Variants in QPCTL observed in about 807,000 individuals in gnomAD.
The protein encoded by QPCTL is glutaminyl-peptide cyclotransferase-like protein.
In QPCTL, 31 loss-of-function variants were observed where a neutral mutation model predicts 34.6. The observed-to-expected ratio is 0.90, with a 90% CI of 0.67 to 1.21. The LOEUF (loss-of-function observed/expected upper bound fraction) is 1.21. Ranked by LOEUF, QPCTL falls within the 50% of genes most tolerant of loss-of-function variation. The pLI is 0.00. For missense variants in QPCTL, 474 were observed against 507.8 expected (o/e 0.93, Z 0.64); for synonymous variants, 223 against 226.9 (o/e 0.98, Z 0.15).
intron 5 of QPCTL, among the ~76,000 whole-genome samples, chr19:45,699,931 C>CAA (rs35011463): frequency 0.031 from 2,765 of 89,852 alleles, 169 homozygotes; most frequent in African/African-American, 0.1. Context: ...GACTCCATCT[C>CAA]AAAAAAAAAA....
At chr19:45,702,819 G>C in intron 6 of QPCTL, 85 bp from the exon 7 acceptor site, 3 of 1,546,818 alleles carry the variant, frequency 1.9e-6, no homozygotes, top group Non-Finnish European at 2.7e-6. Context: ...GTGGTGGCAA[G>C]GCAAGGTTAC....
intron 2 of QPCTL, 59 bp downstream of exon 2, chr19:45,693,615 A>T: frequency 6.6e-7 from 1 of 1,518,834 alleles, no homozygotes; most frequent in Non-Finnish European, 8.8e-7. Context: ...GGGAAATAAG[A>T]ATCCTGTTCA....
At chr19:45,696,539 A>G (rs1056883065) in intron 3 of QPCTL, among the ~76,000 whole-genome samples, 6 of 151,394 alleles carry the variant, frequency 4.0e-5, no homozygotes, top group Non-Finnish European at 8.9e-5. Context: ...GCAGTGAGCC[A>G]AAGTTGCACC....
chr19:45,701,863 G>T lies in QPCTL; in HGVS notation c.952G>T (p.Gly318Trp), dbSNP rs201715664. 1.9e-6 allele frequency: 3 copies of T among 1,613,896 alleles called. No individual in the cohort carries two copies. Among genetic ancestry groups the T allele is most frequent in the Non-Finnish European group, 2.5e-6 (3 of 1,179,894 alleles). Residue 318 changes from glycine to tryptophan, a missense_variant, in exon 6 of 7, where the codon GGG becomes TGG. Gly to Trp is a radical substitution (Grantham distance 184, BLOSUM62 -2). Transcript: ENST00000012049. ...CCAGGAAGTGATGTACTTCCAACCC[G>T]GGGAGCCCTTTGGCTCTGTGGAAGA... ...HPQEVMYFQP[G>W]EPFGSVEDDH...
chr19:45,703,091 G>C lies in QPCTL; in HGVS notation c.*42G>C. 2 of 1,611,606 alleles carry C rather than the reference G, an allele frequency of 1.2e-6. No homozygotes were observed. Among genetic ancestry groups the C allele is most frequent in the East Asian group, 4.5e-5 (2 of 44,850 alleles). On this transcript the variant is annotated 3_prime_UTR_variant, in exon 7 of 7. Transcript: ENST00000012049. ...CTGTGGAGAGGACTGTGAGAGAGAAGGTCCCAGCGGGGGCCAGTGAAGCTC... is the reference window on the plus strand; with the variant it reads ...CTGTGGAGAGGACTGTGAGAGAGAACGTCCCAGCGGGGGCCAGTGAAGCTC...
rs754596184 is a variant in QPCTL at position 45,698,694 on chromosome 19, G to C, written c.781G>C (p.Ala261Pro). The C allele has an allele frequency of 6.2e-7, 1 of 1,614,084 alleles. No individual in the cohort carries two copies. Among genetic ancestry groups the C allele is most frequent in the South Asian group, 1.1e-5 (1 of 91,082 alleles). ...CAGCCCCGGCCCCACCAGGATCCAG[G>C]CTATTGTAAGACCAGGGTCCCCTGG... ...PHSPGPTRIQ[A>P]IELFMLLDLL... The change falls in exon 4 of 7, where the codon GCT (alanine) becomes CCT (proline). Residue 261 changes from alanine (A) to proline (P), a missense_variant. Ala to Pro is a conservative substitution (Grantham distance 27). Transcript: ENST00000012049.
Position 45,702,066 on chromosome 19 carries a change from T to G in QPCTL, c.1003+152T>G, listed in dbSNP as rs1037956921. 2.2e-4 allele frequency: 136 copies of G among 622,494 alleles called. 2 individuals carry two copies. The South Asian group carries it at 2.6e-3, about 12-fold the overall frequency. The allele number at this position is 622,494 out of a possible 1,614,324, so 38.6% of individuals were successfully genotyped here. The stretch of plus-strand genomic sequence containing the variant: ...TTCATCTGTAAAATGGGGATAATAC[T>G]CCCTATCTTAGAGTATTGTTGAGGG... On this transcript the variant is annotated intron_variant, in intron 6 of 6. Transcript: ENST00000012049.
chr19:45,697,487 C>T (rs548613322), intron 3 of QPCTL, among the ~76,000 whole-genome samples: 1 of 152,036 alleles, frequency 6.6e-6, no homozygotes, highest in African/African-American at 2.4e-5. Flanking sequence ...TAATCATGCT[C>T]CTGCCCTGCT....
At chr19:45,701,442 A>G (rs1443871431) in intron 5 of QPCTL, among the ~76,000 whole-genome samples, 1 of 151,684 alleles carries the variant, frequency 6.6e-6, no homozygotes, top group East Asian at 1.9e-4. Context: ...CACCCAGCTA[A>G]TTTTTGTATT....
At position 45,703,193 on chromosome 19, in the gene QPCTL, C is replaced by G. The variant is rs987384972; in HGVS notation, c.*144C>G. The G allele has an allele frequency of 1.2e-5, 13 of 1,098,954 alleles. No homozygotes were observed. The highest frequency in any genetic ancestry group is 1.7e-5 in the Non-Finnish European group (13 of 773,698). 68.1% of individuals were successfully genotyped at this position (1,098,954 alleles called of 1,614,324 possible). On this transcript the variant is annotated 3_prime_UTR_variant, in exon 7 of 7. Coordinates refer to ENST00000012049, the MANE Select transcript of QPCTL (RefSeq NM_017659.4). ...CCTAATTGTGCTACAATTGGAAGACCTTCTTTCTTTTGATTGTCTCAAGCT... is the reference window on the plus strand; with the variant it reads ...CCTAATTGTGCTACAATTGGAAGACGTTCTTTCTTTTGATTGTCTCAAGCT...
chr19:45,700,683 G>A (rs944397185), intron 5 of QPCTL, among the ~76,000 whole-genome samples: 1 of 151,950 alleles, frequency 6.6e-6, no homozygotes, highest in African/African-American at 2.4e-5. Context: ...AGTGGGGGCC[G>A]GGCCTGGTGG....
At chr19:45,699,016 A>C in intron 5 of QPCTL, 116 bp downstream of exon 5, 2 of 749,440 alleles carry the variant, frequency 2.7e-6, no homozygotes, top group African/African-American at 1.8e-5. Context: ...TCTGGGCCAC[A>C]TAGGGAGACC....
intron 4 of QPCTL, 28 bp downstream of exon 4, chr19:45,698,727 C>T (rs749608359): frequency 1.8e-5 from 29 of 1,613,516 alleles, no homozygotes; most frequent in African/African-American, 2.7e-5. Context: ...TGGCTTCTGG[C>T]GAGGGAGGGA....
Position 45,693,468 on chromosome 19 carries a change from T to C in QPCTL, c.263T>C (p.Leu88Pro). The stretch of plus-strand genomic sequence containing the variant: ...CGGCTGCGGAGGGTGGTGGGACAAC[T>C]GGATCCACAGCGTCTCTGGAGCACT... ...EARLRRVVGQ[L>P]DPQRLWSTYL... is the part of the protein sequence containing the mutation. The change falls in exon 2 of 7, where the codon CTG becomes CCG. Residue 88 changes from leucine (L) to proline (P), a missense_variant. Coordinates refer to ENST00000012049, the MANE Select transcript of QPCTL (RefSeq NM_017659.4). 1 of 1,613,256 alleles carries C rather than the reference T, an allele frequency of 6.2e-7. No homozygotes were observed. Among genetic ancestry groups the C allele is most frequent in the Non-Finnish European group, 8.5e-7 (1 of 1,179,570 alleles).
chr19:45,702,180 G>A (rs1160407522), intron 6 of QPCTL, among the ~76,000 whole-genome samples: 10 of 150,778 alleles, frequency 6.6e-5, no homozygotes, highest in South Asian at 2.1e-4. Context: ...AGCTGGGCAC[G>A]GTGGTTCACA....
chr19:45,702,206 C>T (rs1345190546), intron 6 of QPCTL, among the ~76,000 whole-genome samples: 1 of 151,868 alleles, frequency 6.6e-6, no homozygotes, highest in African/African-American at 2.4e-5. Flanking sequence ...AATCCCAGCA[C>T]TTTGGGAGGC....
At chr19:45,698,925 C>T (rs1222682583) in intron 5 of QPCTL, 25 bp downstream of exon 5, 10 of 1,593,764 alleles carry the variant, frequency 6.3e-6, no homozygotes, top group Non-Finnish European at 7.7e-6. Context: ...GGAGGTGGGC[C>T]CCAGCCCACC....
chr19:45,701,769 C>T, intron 5 of QPCTL, 29 bp from the exon 6 acceptor site: 2 of 1,557,656 alleles, frequency 1.3e-6, no homozygotes, highest in Non-Finnish European at 1.8e-6. Flanking sequence ...AAGGACTAAC[C>T]CTTCCTCTCT....
intron 6 of QPCTL, among the ~76,000 whole-genome samples, chr19:45,702,351 T>C (rs1379048424): frequency 6.6e-6 from 1 of 151,732 alleles, no homozygotes; most frequent in African/African-American, 2.4e-5. Context: ...TAGTCCCAGC[T>C]ACTCGAGAGG....
Sources: gnomAD v4.1 joint callset for allele counts (sites outside exome capture counted in the v4.1 genomes callset) on GRCh38, gnomAD v4.1.1 for gene constraint, MANE v1.5 for transcripts, NCBI Gene and HGNC (gene_info 2026-07-23, HGNC 2026-07-21) for gene names.